DMKN: variants seen among roughly 807,000 people sequenced by gnomAD.
The protein encoded by DMKN is dermokine, also known as epidermis-specific secreted protein SK30/SK89.
In DMKN, 58 loss-of-function variants were observed where a neutral mutation model predicts 67.6. That is an observed-to-expected ratio of 0.86 (90% confidence interval 0.69 to 1.07). The LOEUF (loss-of-function observed/expected upper bound fraction) is 1.07, where lower values mean the gene tolerates loss of function less well. Among genes scored for constraint, DMKN ranks in the 50% least tolerant of loss-of-function variants. The pLI, the probability that DMKN is intolerant of heterozygous loss-of-function variation, is 0.00. For missense variants in DMKN, 596 were observed against 601.5 expected (o/e 0.99, Z 0.10); for synonymous variants, 240 against 232.3 (o/e 1.03, Z -0.30).
At chr19:35,501,693 A>T (rs2068392357) in intron 11 of DMKN, 22 of 959,474 alleles carry the variant, frequency 2.3e-5, no homozygotes, top group Non-Finnish European at 3.1e-5. Context: ...AGCTGCCTCC[A>T]CTAGACAGGG....
rs1248048869 is a variant in DMKN at position 35,511,459 on chromosome 19, A to C, written c.870T>G (p.Ser290Arg). Residue 290 changes from serine (S) to arginine (R), a missense_variant, in exon 5 of 16, where the codon AGT becomes AGG. Ser to Arg is a moderately radical substitution (Grantham distance 110). Coordinates refer to ENST00000339686, the MANE Select transcript of DMKN (RefSeq NM_033317.5). ...GSSGGSSGGSSGNSGGSRGDS... is the reference protein window; with the variant it reads ...GSSGGSSGGSRGNSGGSRGDS... Reference sequence around the variant, plus strand: ...CACCTCTGCTGCCACCACTGTTGCCACTGCTGCCACCACTGCTGCCGCCAC... The same window carrying C: ...CACCTCTGCTGCCACCACTGTTGCCCCTGCTGCCACCACTGCTGCCGCCAC... 8.8e-6 allele frequency: 14 copies of C among 1,599,936 alleles called. No individual in the cohort carries two copies. The East Asian group carries it at 3.2e-4, about 36-fold the overall frequency.
chr19:35,510,316 C>T (rs2070512046), intron 5 of DMKN, 64 bp from the exon 6 acceptor site: 1 of 1,555,636 alleles, frequency 6.4e-7, no homozygotes, highest in African/African-American at 1.4e-5. Context: ...CAGTCGTTCC[C>T]AGCGGTGTTA....
At chr19:35,510,547 G>C in intron 5 of DMKN, 1 of 1,533,084 alleles carries the variant, frequency 6.5e-7, no homozygotes, top group Non-Finnish European at 8.8e-7. Flanking sequence ...CAGTAGCCGC[G>C]ATCCTGCCAC....
intron 11 of DMKN, chr19:35,501,862 G>A (rs200704359): frequency 2.5e-6 from 4 of 1,586,418 alleles, no homozygotes; most frequent in South Asian, 1.2e-5. Context: ...GGCCCAGCAG[G>A]AGCAGGAGCA....
At chr19:35,512,536 A>G (rs2071020928) in intron 2 of DMKN, 54 bp downstream of exon 2, 1 of 1,614,050 alleles carries the variant, frequency 6.2e-7, no homozygotes. Context: ...CACGCGGAGC[A>G]TGTGGGCTTG....
chr19:35,510,651 G>C, intron 5 of DMKN: 2 of 1,220,678 alleles, frequency 1.6e-6, no homozygotes, highest in South Asian at 1.5e-5. Flanking sequence ...CTAGATGGGG[G>C]AGAGGAGGAT....
Position 35,505,981 on chromosome 19 carries a change from A to G in DMKN, c.1044T>C (p.Ser348=). ...AGTTAAACATCCCAGGAGACGTCTC[A>G]GAGTTCTATGGAACCAAGGAGATAT... ...RGSGESGIQN[S]ETSPGMFNFD... Residue 348 remains serine (S), a synonymous_variant, in exon 8 of 16, where the codon TCT becomes TCC. Transcript: ENST00000339686. The G allele has an allele frequency of 6.2e-7, 1 of 1,614,210 alleles. No individual in the cohort carries two copies. The highest frequency in any genetic ancestry group is 8.5e-7 in the Non-Finnish European group (1 of 1,180,028).
At position 35,498,741 on chromosome 19, in the gene DMKN, A is replaced by T. The variant is rs748846245; in HGVS notation, c.1406T>A (p.Leu469Gln). 6.2e-7 allele frequency: 1 copy of T among 1,614,156 alleles called. No individual in the cohort carries two copies. Among genetic ancestry groups the T allele is most frequent in the Non-Finnish European group, 8.5e-7 (1 of 1,180,008 alleles). ...SSSASRVQPG[L>Q]LQWVKFW is the part of the protein sequence containing the mutation. ...CTACCAAAACTTCACCCACTGCAGC[A>T]GGCCAGGTTGCACCCGGGAAGCCTG... Residue 469 changes from leucine to glutamine, a missense_variant, in exon 15 of 16, where the codon CTG becomes CAG. Transcript: ENST00000339686.
rs765682077 is a variant in DMKN, at chr19:35,513,581, G to A, written c.-106C>T. 5.0e-6 allele frequency: 7 copies of A among 1,387,340 alleles called. No homozygotes were observed. The highest frequency in any genetic ancestry group is 2.6e-4 in the Middle Eastern group (1 of 3,910). The allele number at this position is 1,387,340 out of a possible 1,614,324, so 85.9% of individuals were successfully genotyped here. A position where few individuals can be genotyped will look rare whatever the true frequency, so the allele number is the denominator to read the frequency against. Reference sequence around the variant, plus strand: ...TGCCCTCCTCTGTCCTCCTCCTTCCGACTCCCTGTCCTCCCTCCCTCTGGG... The same window carrying A: ...TGCCCTCCTCTGTCCTCCTCCTTCCAACTCCCTGTCCTCCCTCCCTCTGGG... On this transcript the variant is annotated 5_prime_UTR_variant, in exon 1 of 16. Coordinates refer to ENST00000339686, the MANE Select transcript of DMKN (RefSeq NM_033317.5).
chr19:35,509,775 G>T, intron 7 of DMKN, 136 bp downstream of exon 7: 1 of 984,842 alleles, frequency 1.0e-6, no homozygotes, highest in South Asian at 1.6e-5. Flanking sequence ...GAGTGCATTT[G>T]GTTTCTTCTG....
rs77664703 is a variant in DMKN, at chr19:35,501,730, G to A, written c.1239+406C>T. 1,383 of 1,337,362 alleles carry A rather than the reference G, an allele frequency of 1.0e-3. 3 individuals carry two copies. The African/African-American group carries it at 0.018, about 17-fold the overall frequency. The allele number at this position is 1,337,362 out of a possible 1,614,324, so 82.8% of individuals were successfully genotyped here. A position where few individuals can be genotyped will look rare whatever the true frequency, so the allele number is the denominator to read the frequency against. On this transcript the variant is annotated intron_variant, in intron 11 of 15. Transcript: ENST00000339686. ...CCTGACCCCTGCACACCGCCCTCCCGTTCCACCTCAGCTGTCCTCCCCATG... is the reference window on the plus strand; with the variant it reads ...CCTGACCCCTGCACACCGCCCTCCCATTCCACCTCAGCTGTCCTCCCCATG...
intron 7 of DMKN, chr19:35,508,360 C>G (rs2070017473): frequency 8.4e-7 from 1 of 1,184,252 alleles, no homozygotes; most frequent in African/African-American, 1.6e-5. Flanking sequence ...TCTTTTGGAA[C>G]TGGTCCAAAC....
intron 15 of DMKN, 154 bp downstream of exon 15, chr19:35,498,562 T>C: frequency 9.5e-7 from 1 of 1,050,834 alleles, no homozygotes; most frequent in Admixed American, 2.6e-5. Flanking sequence ...GGTCCCCTCT[T>C]CCTTATCACC....
At chr19:35,510,648 G>C (rs2070586428) in intron 5 of DMKN, 2 of 1,227,904 alleles carry the variant, frequency 1.6e-6, no homozygotes, top group Non-Finnish European at 2.2e-6. Flanking sequence ...GCCCTAGATG[G>C]GGGAGAGGAG....
At chr19:35,512,970 T>C in intron 1 of DMKN, 80 bp downstream of exon 1, 1 of 1,579,328 alleles carries the variant, frequency 6.3e-7, no homozygotes, top group East Asian at 2.2e-5. Context: ...GATCCATCCA[T>C]CCTTTCAACC....
At chr19:35,510,098 G>T in intron 6 of DMKN, 86 bp downstream of exon 6, 3 of 1,565,850 alleles carry the variant, frequency 1.9e-6, no homozygotes, top group Non-Finnish European at 2.6e-6. Flanking sequence ...TCTCCGCGGA[G>T]CCTTGGCTCC....
chr19:35,506,156 T>C, intron 7 of DMKN, 170 bp from the exon 8 acceptor site: 1 of 1,546,602 alleles, frequency 6.5e-7, no homozygotes, highest in Non-Finnish European at 8.7e-7. Flanking sequence ...CAGCGTCACC[T>C]CCTCCACTGC....
At position 35,506,050 on chromosome 19, in the gene DMKN, C is replaced by T. The variant is rs756178193; in HGVS notation, c.1039-64G>A. 5.6e-5 allele frequency: 91 copies of T among 1,613,078 alleles called. No individual in the cohort carries two copies. In the Admixed American group the frequency reaches 1.5e-3, roughly 27 times the overall value. The stretch of plus-strand genomic sequence containing the variant: ...ACTTTGTGAGCCAGAGTCGGGAGAT[C>T]TGAGTGGCAGGAGGGGAGGCGAGGA... On this transcript the variant is annotated intron_variant, in intron 7 of 15. Transcript: ENST00000339686.
chr19:35,510,043 T>TG (rs2070431654), intron 6 of DMKN, 82 bp from the exon 7 acceptor site: 1 of 1,588,504 alleles, frequency 6.3e-7, no homozygotes, highest in African/African-American at 1.3e-5. Context: ...ATTTTAACCC[T>TG]GGGGCGAGCC....
Sources: allele counts gnomAD v4.1 joint callset, GRCh38; gene constraint gnomAD v4.1.1; transcripts MANE v1.5; gene names NCBI Gene and HGNC (gene_info 2026-07-23, HGNC 2026-07-21).